FAM83D: variants seen among roughly 807,000 people sequenced by gnomAD.
FAM83D encodes protein FAM83D.
In FAM83D, 26 loss-of-function variants were observed where a neutral mutation model predicts 25.4. That is an observed-to-expected ratio of 1.02 (90% CI 0.75 to 1.42). The LOEUF (loss-of-function observed/expected upper bound fraction) is 1.42. Among genes scored for constraint, FAM83D ranks in the 40% most tolerant of loss-of-function variants. The pLI is 0.00. For missense variants in FAM83D, 740 were observed against 758.1 expected (o/e 0.98, Z 0.28); for synonymous variants, 310 against 318.5 (o/e 0.97, Z 0.28).
intron 1 of FAM83D, among the ~76,000 whole-genome samples, chr20:38,937,206 A>C (rs1265947577): frequency 4.6e-5 from 7 of 152,192 alleles, no homozygotes; most frequent in Non-Finnish European, 8.8e-5. Flanking sequence ...GGGACTCTTG[A>C]AAGTCACCAC....
Position 38,926,627 on chromosome 20 carries a change from C to G in FAM83D, c.185C>G (p.Pro62Arg). 1.3e-6 allele frequency: 2 copies of G among 1,540,336 alleles called. No homozygotes were observed. Among genetic ancestry groups the G allele is most frequent in the Non-Finnish European group, 1.7e-6 (2 of 1,148,828 alleles). Reference protein sequence around the residue: ...RRERLARFLNPDEVHAILRAA... With the variant: ...RRERLARFLNRDEVHAILRAA... ...GAGCGCCTGGCTCGTTTCCTGAACCCCGATGAGGTGCACGCCATTCTGCGC... is the reference window on the plus strand; with the variant it reads ...GAGCGCCTGGCTCGTTTCCTGAACCGCGATGAGGTGCACGCCATTCTGCGC... The change falls in exon 1 of 4, where the codon CCC (proline) becomes CGC (arginine). Residue 62 changes from proline (P) to arginine (R), a missense_variant. Coordinates refer to ENST00000619850, the MANE Select transcript of FAM83D (RefSeq NM_030919.3).
chr20:38,948,698 G>A (rs1180031070), intron 3 of FAM83D, among the ~76,000 whole-genome samples: 1 of 152,184 alleles, frequency 6.6e-6, no homozygotes. Context: ...TGCATGAGGT[G>A]TGTCTGTAGA....
chr20:38,951,740 G>T lies in FAM83D; in HGVS notation c.978G>T (p.Leu326=), dbSNP rs371837374. The change falls in exon 4 of 4, where the codon CTG becomes CTT. Residue 326 remains leucine, a synonymous_variant. Transcript: ENST00000619850. ...AACCACAGTCCAAGGAGCTCACCCT[G>T]GGCAACCTGCTGCGGATGCGGCTGG... is the stretch of plus-strand genomic sequence containing the variant. ...NRKPQSKELT[L]GNLLRMRLAR... 1.2e-6 allele frequency: 2 copies of T among 1,614,022 alleles called. No individual in the cohort carries two copies. Among genetic ancestry groups the T allele is most frequent in the African/African-American group, 1.3e-5 (1 of 74,910 alleles).
intron 1 of FAM83D, among the ~76,000 whole-genome samples, chr20:38,934,529 G>A (rs1357359050): frequency 1.3e-5 from 2 of 150,690 alleles, no homozygotes; most frequent in Non-Finnish European, 3.0e-5. Context: ...TGATGCAAAT[G>A]ATATAACCTC....
rs1369436985 is a variant in FAM83D at position 38,932,601 on chromosome 20, CTG to C, written c.483+5678_483+5679del. 2.0e-5 allele frequency among the ~76,000 whole-genome samples: 3 copies of C among 152,226 alleles called. No homozygotes were observed. In the East Asian group the frequency reaches 5.8e-4, roughly 29 times the overall value. On this transcript the variant is annotated intron_variant, in intron 1 of 3. Transcript: ENST00000619850. ...TTGCTGTAGATCCACCCCTCCACCA[CTG>C]TATCTGTTGATGACGCATTCAGCTT...
rs752290568 is a variant in FAM83D, at chr20:38,947,962, G to A, written c.738G>A (p.Thr246=). ...TTGGGAAGGTTCACGAAAAGTTCACGTTGATTGATGGCATCCGCGTGGCAA... is the reference window on the plus strand; with the variant it reads ...TTGGGAAGGTTCACGAAAAGTTCACATTGATTGATGGCATCCGCGTGGCAA... ...KIIGKVHEKF[T]LIDGIRVATG... The change falls in exon 3 of 4, where the codon ACG becomes ACA. Residue 246 remains threonine (T), a synonymous_variant. Transcript: ENST00000619850. The A allele has an allele frequency of 5.1e-5, 82 of 1,614,100 alleles. No individual in the cohort carries two copies. In the East Asian group the frequency reaches 1.4e-3, roughly 28 times the overall value.
chr20:38,926,603 A>G lies in FAM83D; in HGVS notation c.161A>G (p.Glu54Gly). The change falls in exon 1 of 4, where the codon GAG becomes GGG. Residue 54 changes from glutamate (E) to glycine (G), a missense_variant. This residue lies in a region of FAM83D where 333 missense variants were observed against 298.6 expected (regional missense o/e 1.12). Coordinates refer to ENST00000619850, the MANE Select transcript of FAM83D (RefSeq NM_030919.3). ...GCCTTCGCGGCCTTCCTGCGACGCGAGCGCCTGGCTCGTTTCCTGAACCCC... is the reference window on the plus strand; with the variant it reads ...GCCTTCGCGGCCTTCCTGCGACGCGGGCGCCTGGCTCGTTTCCTGAACCCC... ...PEAFAAFLRR[E>G]RLARFLNPDE... 1 of 1,544,234 alleles carries G rather than the reference A, an allele frequency of 6.5e-7. No individual in the cohort carries two copies. The highest frequency in any genetic ancestry group is 8.7e-7 in the Non-Finnish European group (1 of 1,151,120).
chr20:38,928,682 G>C (rs146102819), intron 1 of FAM83D, among the ~76,000 whole-genome samples: 114 of 152,290 alleles, frequency 7.5e-4, no homozygotes, highest in Non-Finnish European at 1.4e-3. Flanking sequence ...AGGCCAGAGG[G>C]AAACTATTAA....
chr20:38,945,827 A>G (rs1317653508), intron 2 of FAM83D, among the ~76,000 whole-genome samples: 1 of 140,506 alleles, frequency 7.1e-6, no homozygotes, highest in Admixed American at 8.1e-5. Context: ...CCTGGACTCA[A>G]TTGATCCTCT....
intron 2 of FAM83D, among the ~76,000 whole-genome samples, chr20:38,946,036 C>A (rs910096301): frequency 6.6e-6 from 1 of 151,762 alleles, no homozygotes; most frequent in Admixed American, 6.6e-5. Flanking sequence ...GGCGAAACCC[C>A]GTCTCTACTA....
intron 1 of FAM83D, among the ~76,000 whole-genome samples, chr20:38,933,479 C>G (rs1392685441): frequency 6.6e-6 from 1 of 152,206 alleles, no homozygotes; most frequent in Admixed American, 6.5e-5. Flanking sequence ...CAAAATCGCC[C>G]TCCAGTTGTG....
At chr20:38,934,105 C>T (rs965152749) in intron 1 of FAM83D, among the ~76,000 whole-genome samples, 9 of 152,230 alleles carry the variant, frequency 5.9e-5, no homozygotes, top group South Asian at 2.1e-4. Flanking sequence ...CTGCCCTCCT[C>T]GGCCTCCCAA....
Position 38,939,287 on chromosome 20 carries a change from A to G in FAM83D, c.484-2672A>G, listed in dbSNP as rs114622436. Among the ~76,000 whole-genome samples the G allele has an allele frequency of 4.4e-3, 667 of 152,278 alleles. 10 individuals are homozygous for G. The highest frequency in any genetic ancestry group is 0.015 in the African/African-American group (626 of 41,550). On this transcript the variant is annotated intron_variant, in intron 1 of 3. Coordinates refer to ENST00000619850, the MANE Select transcript of FAM83D (RefSeq NM_030919.3). ...CCTTCCCTGCTCTTATCTGGTAAGC[A>G]TTTGAGTACCTATAGTGCCCATAGT...
Position 38,942,107 on chromosome 20 carries a change from T to G in FAM83D, c.632T>G (p.Val211Gly), listed in dbSNP as rs965149440. ...CTGGATATGTGCATGGATCTGAAAG[T>G]TCATCCTGAACAGGAAAAGGTTTGT... ...QFLDMCMDLK[V>G]HPEQEKLMTV... The change falls in exon 2 of 4, where the codon GTT (valine) becomes GGT (glycine). Residue 211 changes from valine to glycine, a missense_variant. Coordinates refer to ENST00000619850, the MANE Select transcript of FAM83D (RefSeq NM_030919.3). 3 of 1,614,086 alleles carry G rather than the reference T, an allele frequency of 1.9e-6. No homozygotes were observed. The African/African-American group carries it at 4.0e-5, about 22-fold the overall frequency.
At chr20:38,934,008 C>A (rs1258955843) in intron 1 of FAM83D, among the ~76,000 whole-genome samples, 1 of 152,076 alleles carries the variant, frequency 6.6e-6, no homozygotes, top group Non-Finnish European at 1.5e-5. Flanking sequence ...GTGCCCGCTA[C>A]CACGCCCGGC....
rs188570597 is a variant in FAM83D, at chr20:38,950,619, A to G, written c.777-920A>G. The stretch of plus-strand genomic sequence containing the variant: ...AGGCCACTGATGTTGCCACTCAAAC[A>G]GTAGCAAGGAGCAGGGCATTAGCAA... On this transcript the variant is annotated intron_variant, in intron 3 of 3. Coordinates refer to ENST00000619850, the MANE Select transcript of FAM83D (RefSeq NM_030919.3). 2.0e-5 allele frequency among the ~76,000 whole-genome samples: 3 copies of G among 152,316 alleles called. 1 individual carries two copies. Among genetic ancestry groups the G allele is most frequent in the Middle Eastern group, 6.8e-3 (2 of 294 alleles).
intron 1 of FAM83D, among the ~76,000 whole-genome samples, chr20:38,937,826 C>A (rs141193788): frequency 7.2e-5 from 11 of 152,136 alleles, no homozygotes; most frequent in African/African-American, 2.7e-4. Flanking sequence ...GGTGTGGTGG[C>A]GTGTGCCTGT....
At chr20:38,949,402 C>T (rs527433621) in intron 3 of FAM83D, among the ~76,000 whole-genome samples, 60 of 152,200 alleles carry the variant, frequency 3.9e-4, no homozygotes, top group African/African-American at 1.2e-3. Flanking sequence ...TCAGGTGATC[C>T]GCTGGCCTCG....
At chr20:38,946,215 A>C (rs529349471) in intron 2 of FAM83D, among the ~76,000 whole-genome samples, 8 of 152,090 alleles carry the variant, frequency 5.3e-5, no homozygotes, top group South Asian at 2.1e-4. Context: ...AAAAAAAAAA[A>C]AAAAACAATT....
Sources: allele counts gnomAD v4.1 joint callset (sites outside exome capture counted in the v4.1 genomes callset), GRCh38; gene constraint gnomAD v4.1.1; regional missense constraint gnomAD v4.1.1; transcripts MANE v1.5; gene names NCBI Gene and HGNC (gene_info 2026-07-23, HGNC 2026-07-21).